The following CNTN4 variants were observed in gnomAD, a reference collection of about 807,000 sequenced individuals.
The protein encoded by CNTN4 is contactin-4.
A neutral mutation model predicts 122.5 loss-of-function variants in CNTN4; 77 were observed. That is an observed-to-expected ratio of 0.63 (90% CI 0.52 to 0.76). CNTN4 has a LOEUF of 0.76. CNTN4 is among the 30% of genes least tolerant of loss of function. The pLI, the probability that CNTN4 is intolerant of heterozygous loss-of-function variation, is 0.00. For missense variants in CNTN4, 1,256 were observed against 1,259.1 expected (o/e 1.00, Z 0.04); for synonymous variants, 512 against 447.0 (o/e 1.15, Z -1.83).
At chr3:3,019,699 T>G (rs983794771) in intron 14 of CNTN4, among the ~76,000 whole-genome samples, 2 of 149,348 alleles carry the variant, frequency 1.3e-5, no homozygotes, top group African/African-American at 5.0e-5. Context: ...TGTGTGTGTC[T>G]GTGTGTGTGT....
At chr3:2,848,611 A>T (rs1475930120) in intron 7 of CNTN4, among the ~76,000 whole-genome samples, 1 of 152,216 alleles carries the variant, frequency 6.6e-6, no homozygotes, top group Non-Finnish European at 1.5e-5. Flanking sequence ...AAGTCCTATT[A>T]ACTACAACTA....
At chr3:2,316,573 T>C (rs375532733) in intron 2 of CNTN4, among the ~76,000 whole-genome samples, 8 of 152,306 alleles carry the variant, frequency 5.3e-5, no homozygotes, top group African/African-American at 1.9e-4. Context: ...AGTCTGTTGA[T>C]GTTTTTATCC....
intron 13 of CNTN4, among the ~76,000 whole-genome samples, chr3:2,959,981 C>G (rs1326628516): frequency 6.6e-6 from 1 of 152,168 alleles, no homozygotes; most frequent in Non-Finnish European, 1.5e-5. Flanking sequence ...GGGCATGAAA[C>G]ACTGCAGTTC....
At chr3:2,508,456 C>T (rs1261380686) in intron 3 of CNTN4, among the ~76,000 whole-genome samples, 1 of 152,166 alleles carries the variant, frequency 6.6e-6, no homozygotes, top group African/African-American at 2.4e-5. Context: ...ATTGATTAAG[C>T]CTCAAACTGT....
intron 3 of CNTN4, among the ~76,000 whole-genome samples, chr3:2,355,350 T>A (rs1188004956): frequency 6.6e-6 from 1 of 152,212 alleles, no homozygotes; most frequent in East Asian, 1.9e-4. Context: ...AGCATAAATA[T>A]AATGTCATTG....
chr3:2,281,137 C>G (rs1342382382), intron 2 of CNTN4, among the ~76,000 whole-genome samples: 4 of 152,168 alleles, frequency 2.6e-5, no homozygotes, highest in Non-Finnish European at 5.9e-5. Context: ...TTTCTAAAAG[C>G]TAATTATTAC....
At chr3:2,241,324 T>C (rs1340177437) in intron 2 of CNTN4, among the ~76,000 whole-genome samples, 4 of 152,094 alleles carry the variant, frequency 2.6e-5, no homozygotes, top group African/African-American at 9.7e-5. Flanking sequence ...AGGCATTGGA[T>C]AGATAGTTAC....
chr3:2,728,611 T>C (rs1478135358), intron 4 of CNTN4, among the ~76,000 whole-genome samples: 1 of 152,212 alleles, frequency 6.6e-6, no homozygotes, highest in Non-Finnish European at 1.5e-5. Flanking sequence ...TTTACTCTCT[T>C]GATTGGTCAA....
chr3:2,210,834 A>G (rs2038583110), intron 2 of CNTN4, among the ~76,000 whole-genome samples: 2 of 152,204 alleles, frequency 1.3e-5, no homozygotes, highest in Non-Finnish European at 2.9e-5. Flanking sequence ...GCGTTTTGTT[A>G]TTAACTGTTG....
At chr3:2,323,900 C>T (rs2043356917) in intron 2 of CNTN4, among the ~76,000 whole-genome samples, 1 of 152,192 alleles carries the variant, frequency 6.6e-6, no homozygotes, top group African/African-American at 2.4e-5. Flanking sequence ...CGTGCATTGG[C>T]AATCCAGAGA....
chr3:2,639,186 T>C (rs779510197), intron 4 of CNTN4, among the ~76,000 whole-genome samples: 1 of 152,192 alleles, frequency 6.6e-6, no homozygotes, highest in Non-Finnish European at 1.5e-5. Flanking sequence ...GTCCTTCTCT[T>C]ACTCTGTCAT....
At position 3,022,071 on chromosome 3, in the gene CNTN4, CAAAAAAAAAA is replaced by C. The variant is rs36094888; in HGVS notation, c.1487-4020_1487-4011del. On this transcript the variant is annotated intron_variant, in intron 14 of 24. Transcript: ENST00000418658. ...AAAAACCCTGCCTCTACCAAGAATT[CAAAAAAAAAA>C]AAAAAAAAAAGAATTAGTTGGGCAT... Among the ~76,000 whole-genome samples the C allele has an allele frequency of 3.6e-5, 4 of 110,598 alleles. No individual in the cohort carries two copies. In the East Asian group the frequency reaches 8.7e-4, roughly 24 times the overall value. The allele number at this position is 110,598 out of a possible 152,430, so 72.6% of individuals were successfully genotyped here.
At chr3:2,392,419 CATT>C (rs1329245544) in intron 3 of CNTN4, among the ~76,000 whole-genome samples, 1 of 152,204 alleles carries the variant, frequency 6.6e-6, no homozygotes, top group Non-Finnish European at 1.5e-5. Flanking sequence ...GCTTCCTACT[CATT>C]ATGCCTTGTT....
rs145110342 is a variant in CNTN4 at position 2,258,986 on chromosome 3, A to G, written c.-144-80192A>G. Among the ~76,000 whole-genome samples the G allele has an allele frequency of 5.4e-3, 825 of 152,226 alleles. 12 individuals carry two copies. The highest frequency in any genetic ancestry group is 0.019 in the African/African-American group (786 of 41,540). ...TATTTCATTTGTTTCTTATAACCTT[A>G]TAAGGCATAAGTGCTATTCTGTAGG... On this transcript the variant is annotated intron_variant, in intron 2 of 24. Transcript: ENST00000418658.
intron 4 of CNTN4, among the ~76,000 whole-genome samples, chr3:2,730,709 C>G (rs934803429): frequency 1.3e-5 from 2 of 152,148 alleles, no homozygotes; most frequent in African/African-American, 2.4e-5. Flanking sequence ...TCTGTACTTG[C>G]TCCTGTGGGC....
At chr3:2,547,072 A>G (rs1438597534) in intron 3 of CNTN4, among the ~76,000 whole-genome samples, 2 of 152,052 alleles carry the variant, frequency 1.3e-5, no homozygotes, top group Non-Finnish European at 1.5e-5. Context: ...GATGTAGGTG[A>G]TAAAAATAAA....
intron 2 of CNTN4, among the ~76,000 whole-genome samples, chr3:2,293,925 G>A (rs1369915747): frequency 1.3e-5 from 2 of 152,134 alleles, no homozygotes; most frequent in Non-Finnish European, 2.9e-5. Context: ...GTACAATTCT[G>A]GAGGTCAGCA....
intron 2 of CNTN4, among the ~76,000 whole-genome samples, chr3:2,291,625 T>C (rs1234220811): frequency 1.5e-5 from 2 of 133,474 alleles, no homozygotes; most frequent in African/African-American, 5.4e-5. Flanking sequence ...ATTAATTCAC[T>C]GAAGTCCTTA....
rs112384811 is a variant in CNTN4, at chr3:2,574,793, A to C, written c.55+3235A>C. Among the ~76,000 whole-genome samples the C allele has an allele frequency of 5.7e-3, 862 of 152,272 alleles. 12 individuals carry two copies. The highest frequency in any genetic ancestry group is 0.02 in the African/African-American group (817 of 41,532). Reference sequence around the variant, plus strand: ...ACTAGAAAACAACATGCCCCACTAAAATATTAATCTGTGCCCGGCTCTACT... The same window carrying C: ...ACTAGAAAACAACATGCCCCACTAACATATTAATCTGTGCCCGGCTCTACT... On this transcript the variant is annotated intron_variant, in intron 4 of 24. Transcript: ENST00000418658.
Sources: allele counts gnomAD v4.1 joint callset (sites outside exome capture counted in the v4.1 genomes callset), GRCh38; gene constraint gnomAD v4.1.1; transcripts MANE v1.5; gene names NCBI Gene and HGNC (gene_info 2026-07-23, HGNC 2026-07-21).